CHRDL1: variants seen among roughly 807,000 people sequenced by gnomAD.
The protein encoded by CHRDL1 is chordin like 1.
In CHRDL1, 19 loss-of-function variants were observed where a neutral mutation model predicts 40.9. That is an observed-to-expected ratio of 0.46 (90% confidence interval 0.32 to 0.68). CHRDL1 has a LOEUF of 0.68. Among genes scored for constraint, CHRDL1 ranks in the 30% least tolerant of loss-of-function variants. The pLI, the probability that CHRDL1 is intolerant of heterozygous loss-of-function variation, is 0.03. For synonymous variants in CHRDL1, 136 were observed against 123.4 expected, an observed-to-expected ratio of 1.10 and a Z score of -0.68; for missense variants, 329 against 352.1, an observed-to-expected ratio of 0.93 and a Z score of 0.53.
chrX:110,778,507 A>G (rs960207865), intron 2 of CHRDL1, among the ~76,000 whole-genome samples: 3 of 112,361 alleles, frequency 2.7e-5, no homozygotes, highest in Non-Finnish European at 5.7e-5. Flanking sequence ...AAATGTGCTC[A>G]GTATCACTGA....
intron 4 of CHRDL1, among the ~76,000 whole-genome samples, chrX:110,755,928 T>A (rs1429253923): frequency 8.9e-6 from 1 of 112,019 alleles, no homozygotes; most frequent in Admixed American, 9.4e-5. Flanking sequence ...GGTACCTTTT[T>A]ATTTCTAGAA....
intron 2 of CHRDL1, among the ~76,000 whole-genome samples, chrX:110,778,477 TG>T (rs749710008): frequency 6.2e-5 from 7 of 112,081 alleles, no homozygotes; most frequent in African/African-American, 9.7e-5. Context: ...AAGACACGCA[TG>T]TAGTCAACAA....
In CHRDL1 at chrX:110,687,215, C is replaced by T. The variant is rs373898588; in HGVS notation, c.988+1379G>A. ...AACCAGCTCCTAGCTGTTGCCAGTC[C>T]ATAAACCACACTTTGAGTAGCAAGA... On this transcript the variant is annotated intron_variant, in intron 9 of 11. Transcript: ENST00000372042. 1.2e-3 allele frequency among the ~76,000 whole-genome samples: 133 copies of T among 111,693 alleles called. 1 individual carries two copies. The highest frequency in any genetic ancestry group is 9.6e-3 in the East Asian group (34 of 3,531).
chrX:110,756,994 G>A (rs1488143153), intron 4 of CHRDL1, among the ~76,000 whole-genome samples: 2 of 111,582 alleles, frequency 1.8e-5, no homozygotes, highest in Non-Finnish European at 3.8e-5. Flanking sequence ...GGGAAACAAG[G>A]TTATTGAAAA....
In CHRDL1 at chrX:110,674,637, A is replaced by G. The variant is rs1048154358; in HGVS notation, c.*1594T>C. 5.3e-5 allele frequency: 6 copies of G among 112,399 alleles called. No homozygotes were observed. The Admixed American group carries it at 5.6e-4, about 11-fold the overall frequency. 9.3% of individuals were successfully genotyped at this position (112,399 alleles called of 1,213,427 possible). A position where few individuals can be genotyped will look rare whatever the true frequency, so the allele number is the denominator to read the frequency against. On this transcript the variant is annotated 3_prime_UTR_variant, in exon 12 of 12. Coordinates refer to ENST00000372042, the MANE Select transcript of CHRDL1 (RefSeq NM_001143981.2). The stretch of plus-strand genomic sequence containing the variant: ...AGGCCCTTGTGTCTCTTTCATAAGA[A>G]TTGACTCCTTTATGCCAGGTTGTCA...
rs1156381257 is a variant in CHRDL1 at position 110,674,754 on chromosome X, G to A, written c.*1477C>T. 2.7e-5 allele frequency: 3 copies of A among 112,153 alleles called. No homozygotes were observed. The highest frequency in any genetic ancestry group is 9.7e-5 in the African/African-American group (3 of 30,896). 9.2% of individuals were successfully genotyped at this position (112,153 alleles called of 1,213,427 possible). A position where few individuals can be genotyped will look rare whatever the true frequency, so the allele number is the denominator to read the frequency against. On this transcript the variant is annotated 3_prime_UTR_variant, in exon 12 of 12. Transcript: ENST00000372042. ...CTATAGTCATGGAATGAGACATATG[G>A]GGTTTCTGGGTCCTTAAAACATTTC...
intron 7 of CHRDL1, among the ~76,000 whole-genome samples, chrX:110,698,516 G>C (rs979198180): frequency 8.9e-6 from 1 of 112,028 alleles, no homozygotes; most frequent in Non-Finnish European, 1.9e-5. Flanking sequence ...TTATAATAAA[G>C]TGAAACCATA....
At chrX:110,783,336 A>G (rs1827991820) in intron 2 of CHRDL1, among the ~76,000 whole-genome samples, 1 of 111,954 alleles carries the variant, frequency 8.9e-6, no homozygotes, top group Admixed American at 9.5e-5. Context: ...CTGGAACACC[A>G]TAATTTTTAA....
intron 4 of CHRDL1, among the ~76,000 whole-genome samples, chrX:110,750,926 A>G (rs768330726): frequency 9.8e-5 from 11 of 111,801 alleles, no homozygotes; most frequent in African/African-American, 2.9e-4. Flanking sequence ...CAGCGAAACA[A>G]TGTTGTCATG....
chrX:110,719,759 CA>C (rs774976697), intron 6 of CHRDL1, 75 bp downstream of exon 6: 2 of 562,950 alleles, frequency 3.6e-6, no homozygotes, highest in Non-Finnish European at 5.8e-6. Flanking sequence ...GGACATTAGA[CA>C]GGTATTTTCC....
intron 10 of CHRDL1, among the ~76,000 whole-genome samples, chrX:110,680,311 G>C (rs1342174426): frequency 8.9e-6 from 1 of 111,927 alleles, no homozygotes; most frequent in Non-Finnish European, 1.9e-5. Flanking sequence ...TGTTATGGAT[G>C]AGCTAGGGAG....
At chrX:110,692,726 T>C (rs983479783) in intron 8 of CHRDL1, among the ~76,000 whole-genome samples, 1 of 112,512 alleles carries the variant, frequency 8.9e-6, no homozygotes, top group Non-Finnish European at 1.9e-5. Flanking sequence ...TATTTCCAAT[T>C]CTTCTACTAC....
intron 4 of CHRDL1, among the ~76,000 whole-genome samples, chrX:110,736,523 G>A (rs2071266165): frequency 2.7e-5 from 3 of 111,736 alleles, no homozygotes; most frequent in African/African-American, 9.8e-5. Flanking sequence ...AAATAAATAA[G>A]GTATATTATC....
In CHRDL1 at chrX:110,712,694, C is replaced by A. The variant is rs183955082; in HGVS notation, c.541+7141G>T. ...GACCAACCTGGGCAACATAGCGAGA[C>A]CATGTCTCTAAAAAAAAAAAAAAAT... On this transcript the variant is annotated intron_variant, in intron 6 of 11. Coordinates refer to ENST00000372042, the MANE Select transcript of CHRDL1 (RefSeq NM_001143981.2). Among the ~76,000 whole-genome samples the A allele has an allele frequency of 3.2e-3, 341 of 105,076 alleles. 2 individuals carry two copies. The highest frequency in any genetic ancestry group is 0.011 in the African/African-American group (301 of 27,121). The allele number at this position is 105,076 out of a possible 115,157, so 91.2% of individuals were successfully genotyped here.
At chrX:110,785,939 C>T (rs2090010647) in intron 2 of CHRDL1, among the ~76,000 whole-genome samples, 1 of 112,222 alleles carries the variant, frequency 8.9e-6, no homozygotes, top group Non-Finnish European at 1.9e-5. Context: ...AATGCATTTC[C>T]TTACTGCTTA....
At chrX:110,686,915 A>AAC in intron 9 of CHRDL1, among the ~76,000 whole-genome samples, 1 of 108,366 alleles carries the variant, frequency 9.2e-6, no homozygotes, top group Non-Finnish European at 1.9e-5. Context: ...AAAAATAAAA[A>AAC]GAATGTGTTC....
chrX:110,791,310 G>A (rs1404552725), intron 2 of CHRDL1, among the ~76,000 whole-genome samples: 2 of 111,598 alleles, frequency 1.8e-5, no homozygotes, highest in Non-Finnish European at 3.8e-5. Context: ...ATCTACCTCA[G>A]AGATGGCTGC....
intron 7 of CHRDL1, among the ~76,000 whole-genome samples, chrX:110,697,514 A>C (rs2070411754): frequency 9.0e-6 from 1 of 110,799 alleles, no homozygotes; most frequent in African/African-American, 3.3e-5. Context: ...TAATCCATAC[A>C]GCCATTAAAA....
chrX:110,736,190 A>ACTACTAG (rs2071260665), intron 4 of CHRDL1, among the ~76,000 whole-genome samples: 1 of 112,298 alleles, frequency 8.9e-6, no homozygotes, highest in African/African-American at 3.2e-5. Context: ...TACTAGAGGA[A>ACTACTAG]AAGACAAAGT....
Sources: allele counts gnomAD v4.1 joint callset (sites outside exome capture counted in the v4.1 genomes callset), GRCh38; gene constraint gnomAD v4.1.1; transcripts MANE v1.5; gene names NCBI Gene and HGNC (gene_info 2026-07-23, HGNC 2026-07-21).